The following HACD4 variants were observed in gnomAD, a reference collection of about 807,000 sequenced individuals.
HACD4 encodes very-long-chain (3R)-3-hydroxyacyl-CoA dehydratase 4.
HACD4 carries 35 observed loss-of-function variants against 33.3 expected under a neutral mutation model. The observed-to-expected ratio is 1.05, with a 90% CI of 0.80 to 1.39. HACD4 has a LOEUF of 1.39. HACD4 is among the 40% of genes most tolerant of loss of function. HACD4 has a pLI of 0.00. For missense variants in HACD4, 323 were observed against 276.5 expected (o/e 1.17, Z -1.19); for synonymous variants, 118 against 98.0 (o/e 1.20, Z -1.21).
chr9:21,020,805 G>A (rs555608616), intron 3 of HACD4, among the ~76,000 whole-genome samples: 22 of 152,040 alleles, frequency 1.4e-4, no homozygotes, highest in African/African-American at 5.3e-4. Context: ...AAATAGCTAC[G>A]CTATGGTTTT....
At chr9:21,014,243 T>G (rs138274175) in intron 4 of HACD4, among the ~76,000 whole-genome samples, 1 of 152,286 alleles carries the variant, frequency 6.6e-6, no homozygotes, top group East Asian at 1.9e-4. Context: ...AATGAAAACA[T>G]GTGCACACAA....
Position 21,008,054 on chromosome 9 carries a change from C to G in HACD4, c.583G>C (p.Val195Leu). The G allele has an allele frequency of 1.2e-6, 2 of 1,607,842 alleles. No individual in the cohort carries two copies. Among genetic ancestry groups the G allele is most frequent in the Non-Finnish European group, 1.7e-6 (2 of 1,177,260 alleles). The change falls in exon 6 of 7, where the codon GTG becomes CTG. Residue 195 changes from valine (V) to leucine (L), a missense_variant. Transcript: ENST00000495827. ...PFDLSIYFPYVLKIYLMMLFI... is the reference protein window; with the variant it reads ...PFDLSIYFPYLLKIYLMMLFI... ...AGCATCATGAGATATATTTTCAGCA[C>G]ATATGGGAAATAGATGGATAAGTCA...
At chr9:21,021,764 T>C (rs1204377890) in intron 3 of HACD4, among the ~76,000 whole-genome samples, 5 of 152,166 alleles carry the variant, frequency 3.3e-5, no homozygotes, top group Admixed American at 1.3e-4. Context: ...TCCATGCTCA[T>C]GGGTAGGAAG....
At chr9:21,030,801 G>A (rs990663573) in intron 1 of HACD4, among the ~76,000 whole-genome samples, 1 of 152,204 alleles carries the variant, frequency 6.6e-6, no homozygotes, top group Admixed American at 6.5e-5. Flanking sequence ...ACAATGTGTT[G>A]TGAGTTGCTG....
intron 2 of HACD4, among the ~76,000 whole-genome samples, chr9:21,027,310 C>A (rs1400956215): frequency 1.3e-5 from 2 of 152,074 alleles, no homozygotes; most frequent in African/African-American, 4.8e-5. Flanking sequence ...GTTTGCATTG[C>A]AGAGGGTTCA....
chr9:21,026,829 T>A (rs1818074758), intron 2 of HACD4, 106 bp from the exon 3 acceptor site: 1 of 884,288 alleles, frequency 1.1e-6, no homozygotes, highest in African/African-American at 1.7e-5. Context: ...ACTTCCTTTT[T>A]CATTGTACAT....
rs372415633 is a variant in HACD4 at position 21,002,332 on chromosome 9, A to G, written c.*4705T>C. The G allele has an allele frequency of 5.3e-5, 8 of 152,296 alleles. No homozygotes were observed. The East Asian group carries it at 1.5e-3, about 29-fold the overall frequency. 9.4% of individuals were successfully genotyped at this position (152,296 alleles called of 1,614,324 possible). On this transcript the variant is annotated 3_prime_UTR_variant, in exon 7 of 7. Coordinates refer to ENST00000495827, the MANE Select transcript of HACD4 (RefSeq NM_001010915.5). ...GGACAAAAAAGCTAAGCTATGTAGA[A>G]AACAAATAGCAAAATGACAGGAGTA...
chr9:21,023,699 C>T (rs1285566986), intron 3 of HACD4, among the ~76,000 whole-genome samples: 10 of 151,984 alleles, frequency 6.6e-5, no homozygotes, highest in East Asian at 1.9e-4. Context: ...CTCAGCCTCC[C>T]GAGTAGCTGG....
Position 20,999,794 on chromosome 9 carries a change from G to C in HACD4, c.*7243C>G, listed in dbSNP as rs1842139167. 1 of 152,032 alleles carries C rather than the reference G, an allele frequency of 6.6e-6. No individual in the cohort carries two copies. Among genetic ancestry groups the C allele is most frequent in the Admixed American group, 6.6e-5 (1 of 15,258 alleles). The allele number at this position is 152,032 out of a possible 1,614,324, so 9.4% of individuals were successfully genotyped here. A position where few individuals can be genotyped will look rare whatever the true frequency, so the allele number is the denominator to read the frequency against. On this transcript the variant is annotated 3_prime_UTR_variant, in exon 7 of 7. Transcript: ENST00000495827. ...TATGTGCCACTATACAAGTTTCTGGGGTACAATCTGAACAAAACGTGTCAT... is the reference window on the plus strand; with the variant it reads ...TATGTGCCACTATACAAGTTTCTGGCGTACAATCTGAACAAAACGTGTCAT...
At chr9:21,031,170 G>A (rs1397198278) in intron 1 of HACD4, among the ~76,000 whole-genome samples, 4 of 152,072 alleles carry the variant, frequency 2.6e-5, no homozygotes, top group Non-Finnish European at 2.9e-5. Context: ...ACTAGGCCCT[G>A]AAATCTATAC....
intron 5 of HACD4, among the ~76,000 whole-genome samples, chr9:21,009,972 TCTTC>T (rs1842372351): frequency 6.6e-6 from 1 of 152,224 alleles, no homozygotes; most frequent in South Asian, 2.1e-4. Flanking sequence ...AATTAATAAT[TCTTC>T]CTTTTGAATC....
chr9:21,022,558 G>T (rs1487396999), intron 3 of HACD4, among the ~76,000 whole-genome samples: 2 of 152,148 alleles, frequency 1.3e-5, no homozygotes, highest in Non-Finnish European at 2.9e-5. Context: ...AGTGGGCAAA[G>T]GATATGAACA....
chr9:21,001,437 G>C lies in HACD4; in HGVS notation c.*5600C>G, dbSNP rs993298066. The C allele has an allele frequency of 6.6e-6, 1 of 151,948 alleles. No individual in the cohort carries two copies. The highest frequency in any genetic ancestry group is 2.4e-5 in the African/African-American group (1 of 41,374). 9.4% of individuals were successfully genotyped at this position (151,948 alleles called of 1,614,324 possible). A position where few individuals can be genotyped will look rare whatever the true frequency, so the allele number is the denominator to read the frequency against. On this transcript the variant is annotated 3_prime_UTR_variant, in exon 7 of 7. Transcript: ENST00000495827. Reference sequence around the variant, plus strand: ...GTGAACAGGGTATAAGGATCTGTGGGACCCATCAAGCAGACCAACATACAC... The same window carrying C: ...GTGAACAGGGTATAAGGATCTGTGGCACCCATCAAGCAGACCAACATACAC...
Position 21,026,614 on chromosome 9 carries a change from A to G in HACD4, c.252T>C (p.Leu84=). The change falls in exon 3 of 7, where the codon CTT becomes CTC. Residue 84 remains leucine (L), a synonymous_variant. Transcript: ENST00000495827. ...AACCTACCTGCAAAAACCTTGGGAG[A>G]AGATGGTTTGACTCAATGCCAACAT... ...HIYVGIESNH[L]LPRFLQLTER... 1 of 1,612,418 alleles carries G rather than the reference A, an allele frequency of 6.2e-7. No individual in the cohort carries two copies. Among genetic ancestry groups the G allele is most frequent in the Non-Finnish European group, 8.5e-7 (1 of 1,179,260 alleles).
At chr9:21,011,832 AAG>A in intron 4 of HACD4, 137 bp from the exon 5 acceptor site, 1 of 567,870 alleles carries the variant, frequency 1.8e-6, no homozygotes, top group Non-Finnish European at 3.0e-6. Flanking sequence ...TAATTTAAGG[AAG>A]AGTTTTTTTT....
chr9:21,019,438 AT>A (rs1314495670), intron 3 of HACD4, among the ~76,000 whole-genome samples: 5 of 152,164 alleles, frequency 3.3e-5, no homozygotes, highest in Non-Finnish European at 5.9e-5. Flanking sequence ...TAAAGATTAA[AT>A]AAGTTAATAC....
rs540271955 is a variant in HACD4, at chr9:21,028,539, G to T, written c.142+756C>A. The stretch of plus-strand genomic sequence containing the variant: ...AGAATAACTTCCTTATGATACACAC[G>T]TCTGAAATGATGAGCACAGCATGAC... On this transcript the variant is annotated intron_variant, in intron 2 of 6. Transcript: ENST00000495827. 1.9e-3 allele frequency among the ~76,000 whole-genome samples: 289 copies of T among 152,308 alleles called. 1 individual carries two copies. The highest frequency in any genetic ancestry group is 3.4e-3 in the Non-Finnish European group (228 of 68,018).
At chr9:21,028,135 CAAAAAAA>C (rs71334571) in intron 2 of HACD4, among the ~76,000 whole-genome samples, 4 of 93,444 alleles carry the variant, frequency 4.3e-5, no homozygotes, top group East Asian at 2.9e-4. Context: ...AACTCCATCT[CAAAAAAA>C]AAAAAAAAAG....
chr9:21,022,004 A>G (rs1445385845), intron 3 of HACD4, among the ~76,000 whole-genome samples: 1 of 152,158 alleles, frequency 6.6e-6, no homozygotes, highest in Non-Finnish European at 1.5e-5. Flanking sequence ...AGTAACCAAA[A>G]CAGCATGGTA....
Sources: allele counts gnomAD v4.1 joint callset (sites outside exome capture counted in the v4.1 genomes callset), GRCh38; gene constraint gnomAD v4.1.1; transcripts MANE v1.5; gene names NCBI Gene and HGNC (gene_info 2026-07-23, HGNC 2026-07-21).